The following FGGY variants were observed in gnomAD, a reference collection of about 807,000 sequenced individuals.
The protein encoded by FGGY is FGGY carbohydrate kinase domain-containing protein.
Under a neutral mutation model 71.3 loss-of-function variants are expected in FGGY, and 72 were observed. That is an observed-to-expected ratio of 1.01 (90% confidence interval 0.84 to 1.23). FGGY has a LOEUF of 1.23. Ranked by LOEUF, FGGY falls within the 50% of genes most tolerant of loss-of-function variation. The probability of loss-of-function intolerance (pLI) is 0.00; values close to 1 mark genes in which losing one functional copy is unlikely to be tolerated. For missense variants in FGGY, 668 were observed against 682.3 expected (o/e 0.98, Z 0.23); for synonymous variants, 251 against 250.3 (o/e 1.00, Z -0.02).
chr1:59,584,071 A>C (rs2096242401), intron 8 of FGGY, among the ~76,000 whole-genome samples: 1 of 149,796 alleles, frequency 6.7e-6, no homozygotes, highest in African/African-American at 2.5e-5. Flanking sequence ...TCACAGCCGA[A>C]TTCTACCAGA....
Position 59,534,349 on chromosome 1 carries a change from G to A in FGGY, c.800-19775G>A, listed in dbSNP as rs1449878617. Among the ~76,000 whole-genome samples the A allele has an allele frequency of 1.8e-4, 28 of 152,268 alleles. No homozygotes were observed. The East Asian group carries it at 2.3e-3, about 13-fold the overall frequency. ...GACTATGTGAAAAGACCAAATCTAC[G>A]TCTGATTGGTGTACCTGAAAGTGAC... On this transcript the variant is annotated intron_variant, in intron 7 of 15. Transcript: ENST00000303721.
At chr1:59,504,541 G>C (rs961164116) in intron 6 of FGGY, among the ~76,000 whole-genome samples, 2 of 152,180 alleles carry the variant, frequency 1.3e-5, no homozygotes, top group Non-Finnish European at 2.9e-5. Flanking sequence ...GTGCTTGCTT[G>C]GTGGTTGGGA....
chr1:59,703,244 CA>C lies in FGGY; in HGVS notation c.1512+29112del, dbSNP rs1056125026. ...TGTTCTCCAACAAGCACAAGGGATA[CA>C]GGGGTAAATAGGATACCATCTCTGT... is the stretch of plus-strand genomic sequence containing the variant. On this transcript the variant is annotated intron_variant, in intron 14 of 15. Coordinates refer to ENST00000303721, the MANE Select transcript of FGGY (RefSeq NM_018291.5). 1.2e-4 allele frequency among the ~76,000 whole-genome samples: 19 copies of C among 152,278 alleles called. 1 individual carries two copies. The highest frequency in any genetic ancestry group is 4.1e-4 in the South Asian group (2 of 4,828).
chr1:59,368,491 T>C (rs181352233), intron 4 of FGGY, among the ~76,000 whole-genome samples: 21 of 152,334 alleles, frequency 1.4e-4, no homozygotes, highest in Admixed American at 2.6e-4. Flanking sequence ...AGTTCCTTAA[T>C]GTGTGAGTAT....
At chr1:59,452,667 A>G (rs1488221383) in intron 5 of FGGY, among the ~76,000 whole-genome samples, 2 of 152,220 alleles carry the variant, frequency 1.3e-5, no homozygotes, top group Non-Finnish European at 1.5e-5. Context: ...TTCTGCATTA[A>G]CAAGTCTGAA....
chr1:59,370,756 A>C (rs1270337222), intron 4 of FGGY, among the ~76,000 whole-genome samples: 7 of 151,488 alleles, frequency 4.6e-5, no homozygotes, highest in African/African-American at 1.7e-4. Flanking sequence ...AATATTCAAC[A>C]TTCTTAAAGA....
At chr1:59,628,972 G>A (rs2096883689) in intron 10 of FGGY, among the ~76,000 whole-genome samples, 1 of 152,130 alleles carries the variant, frequency 6.6e-6, no homozygotes, top group South Asian at 2.1e-4. Flanking sequence ...GATACAGAGT[G>A]ATGATTAAGA....
chr1:59,428,693 GC>G (rs1162442788), intron 5 of FGGY, among the ~76,000 whole-genome samples: 2 of 152,172 alleles, frequency 1.3e-5, no homozygotes, highest in African/African-American at 4.8e-5. Context: ...ATCCTATAGT[GC>G]CCCAGATGTC....
chr1:59,424,028 C>T (rs1028341603), intron 5 of FGGY, among the ~76,000 whole-genome samples: 1 of 152,212 alleles, frequency 6.6e-6, no homozygotes, highest in African/African-American at 2.4e-5. Flanking sequence ...ACATAGGCCA[C>T]TTACAGTCAG....
chr1:59,625,988 A>G lies in FGGY; in HGVS notation c.1012A>G (p.Ile338Val), dbSNP rs1318441158. 1 of 1,599,572 alleles carries G rather than the reference A, an allele frequency of 6.3e-7. No homozygotes were observed. The highest frequency in any genetic ancestry group is 8.5e-7 in the Non-Finnish European group (1 of 1,173,054). Residue 338 changes from isoleucine (I) to valine (V), a missense_variant and splice_region_variant, in exon 10 of 16, where the codon ATA (isoleucine) becomes GTA (valine). Coordinates refer to ENST00000303721, the MANE Select transcript of FGGY (RefSeq NM_018291.5). Reference protein sequence around the residue: ...EGGQSVTGKLIDHMVQGHAAF... With the variant: ...EGGQSVTGKLVDHMVQGHAAF... Reference sequence around the variant, plus strand: ...TTGACCCATGTCTCTTATTTTTCAGATAGACCACATGGTACAAGGCCATGC... The same window carrying G: ...TTGACCCATGTCTCTTATTTTTCAGGTAGACCACATGGTACAAGGCCATGC...
intron 14 of FGGY, among the ~76,000 whole-genome samples, chr1:59,716,589 G>A (rs147191400): frequency 6.6e-6 from 1 of 152,304 alleles, no homozygotes; most frequent in African/African-American, 2.4e-5. Context: ...CTCAGTGGCT[G>A]CTTGAGAAAG....
At chr1:59,530,658 G>A (rs566233728) in intron 7 of FGGY, among the ~76,000 whole-genome samples, 1 of 152,144 alleles carries the variant, frequency 6.6e-6, no homozygotes, top group African/African-American at 2.4e-5. Flanking sequence ...TGGACAAGAC[G>A]GCTAGGCAGG....
chr1:59,456,604 A>G (rs181177340), intron 5 of FGGY, among the ~76,000 whole-genome samples: 302 of 151,952 alleles, frequency 2.0e-3, no homozygotes, highest in African/African-American at 7.0e-3. Flanking sequence ...ATCCACCACC[A>G]AGCCTGGCTA....
intron 14 of FGGY, among the ~76,000 whole-genome samples, chr1:59,690,496 G>C (rs2097579748): frequency 6.6e-6 from 1 of 152,214 alleles, no homozygotes; most frequent in East Asian, 1.9e-4. Context: ...AAGCTCCTTT[G>C]GGAAACTCAT....
Position 59,754,159 on chromosome 1 carries a change from A to G in FGGY, c.1513-3772A>G, listed in dbSNP as rs536524685. On this transcript the variant is annotated intron_variant, in intron 14 of 15. Coordinates refer to ENST00000303721, the MANE Select transcript of FGGY (RefSeq NM_018291.5). Reference sequence around the variant, plus strand: ...AGGGAAGAAAAGTTAGTGGTGTAGGAAATTTCTTATCTGATCAGTACTGTC... The same window carrying G: ...AGGGAAGAAAAGTTAGTGGTGTAGGGAATTTCTTATCTGATCAGTACTGTC... 4.6e-5 allele frequency among the ~76,000 whole-genome samples: 7 copies of G among 152,294 alleles called. No individual in the cohort carries two copies. The South Asian group carries it at 1.4e-3, about 32-fold the overall frequency.
intron 5 of FGGY, among the ~76,000 whole-genome samples, chr1:59,419,444 T>C (rs2153439806): frequency 6.6e-6 from 1 of 152,304 alleles, no homozygotes; most frequent in Non-Finnish European, 1.5e-5. Flanking sequence ...AAAGCAGTAT[T>C]GATTTAAATG....
At chr1:59,553,892 G>C in intron 7 of FGGY, 1 of 383,046 alleles carries the variant, frequency 2.6e-6, no homozygotes, top group Non-Finnish European at 4.7e-6. Flanking sequence ...TTATTATAAC[G>C]TTGGGTGCCA....
intron 5 of FGGY, among the ~76,000 whole-genome samples, chr1:59,451,443 G>A (rs1417503638): frequency 5.3e-5 from 8 of 149,854 alleles, no homozygotes; most frequent in Admixed American, 4.0e-4. Flanking sequence ...ACAGATTCCT[G>A]CTTACATTAT....
chr1:59,739,776 T>G (rs1047026708), intron 14 of FGGY, among the ~76,000 whole-genome samples: 1 of 152,210 alleles, frequency 6.6e-6, no homozygotes, highest in African/African-American at 2.4e-5. Context: ...TTAGCAAAGC[T>G]TAATCCAGGA....
Sources: gnomAD v4.1 joint callset for allele counts (sites outside exome capture counted in the v4.1 genomes callset) on GRCh38, gnomAD v4.1.1 for gene constraint, MANE v1.5 for transcripts, NCBI Gene and HGNC (gene_info 2026-07-23, HGNC 2026-07-21) for gene names.